The following PIWIL2 variants were observed in gnomAD, a reference collection of about 807,000 sequenced individuals.
The protein encoded by PIWIL2 is piwi like RNA-mediated gene silencing 2, also known as piwi-like protein 2.
PIWIL2 carries 81 observed loss-of-function variants against 116.5 expected under a neutral mutation model. The ratio of observed to expected loss-of-function variants is 0.70; its 90% CI spans 0.58 to 0.84. The LOEUF (loss-of-function observed/expected upper bound fraction) is 0.84, where lower values mean the gene tolerates loss of function less well. PIWIL2 is among the 40% of genes least tolerant of loss of function. PIWIL2 has a pLI of 0.00. For synonymous variants in PIWIL2, 489 were observed against 429.5 expected, an observed-to-expected ratio of 1.14 and a Z score of -1.71; for missense variants, 1,272 against 1,212.3, an observed-to-expected ratio of 1.05 and a Z score of -0.73.
At chr8:22,278,715 T>C (rs936397950) in intron 1 of PIWIL2, among the ~76,000 whole-genome samples, 2 of 152,138 alleles carry the variant, frequency 1.3e-5, no homozygotes, top group African/African-American at 4.8e-5. Context: ...GATTGGCAAA[T>C]GAGCAAAGCT....
At chr8:22,293,291 CAAGT>C (rs1251002352) in intron 10 of PIWIL2, among the ~76,000 whole-genome samples, 15 of 151,900 alleles carry the variant, frequency 9.9e-5, no homozygotes, top group Non-Finnish European at 1.6e-4. Context: ...CCTAGGCAAG[CAAGT>C]GAGACCCTGT....
chr8:22,312,699 G>A (rs1408069802), intron 16 of PIWIL2, among the ~76,000 whole-genome samples: 1 of 152,066 alleles, frequency 6.6e-6, no homozygotes, highest in East Asian at 1.9e-4. Context: ...AAAGTACAGT[G>A]GCATGATCAT....
rs1832495239 is a variant in PIWIL2 at position 22,356,606 on chromosome 8, A to G, written c.*1101A>G. 1 of 152,158 alleles carries G rather than the reference A, an allele frequency of 6.6e-6. No individual in the cohort carries two copies. Among genetic ancestry groups the G allele is most frequent in the Non-Finnish European group, 1.5e-5 (1 of 68,022 alleles). The allele number at this position is 152,158 out of a possible 1,614,324, so 9.4% of individuals were successfully genotyped here. On this transcript the variant is annotated 3_prime_UTR_variant, in exon 23 of 23. Coordinates refer to ENST00000356766, the MANE Select transcript of PIWIL2 (RefSeq NM_018068.5). ...CAAGTTGGGGTGGGAGTTTTTAGTG[A>G]ACTTTTCTCCCAGGTGTGTGGCCTT...
intron 8 of PIWIL2, among the ~76,000 whole-genome samples, chr8:22,289,418 T>G (rs1205440774): frequency 6.6e-6 from 1 of 152,214 alleles, no homozygotes; most frequent in Non-Finnish European, 1.5e-5. Context: ...CCCAAAGTGC[T>G]GGGATTAGAG....
At position 22,294,995 on chromosome 8, in the gene PIWIL2, C is replaced by T. The variant is rs377009184; in HGVS notation, c.1181+4649C>T. On this transcript the variant is annotated intron_variant, in intron 10 of 22. Transcript: ENST00000356766. Reference sequence around the variant, plus strand: ...TCCAGAGGCTGAGGCAGGAGAATGGCTTGAACCTGGGAGGTGGAGGTTGCA... The same window carrying T: ...TCCAGAGGCTGAGGCAGGAGAATGGTTTGAACCTGGGAGGTGGAGGTTGCA... 5.2e-4 allele frequency among the ~76,000 whole-genome samples: 78 copies of T among 149,800 alleles called. No homozygotes were observed. In the South Asian group the frequency reaches 0.016, roughly 30 times the overall value.
At chr8:22,342,117 A>G (rs917024795) in intron 20 of PIWIL2, among the ~76,000 whole-genome samples, 27 of 151,770 alleles carry the variant, frequency 1.8e-4, no homozygotes, top group African/African-American at 6.5e-4. Context: ...ATTACATACA[A>G]GATGTACACA....
chr8:22,350,432 C>CA (rs1187564930), intron 20 of PIWIL2, among the ~76,000 whole-genome samples: 1 of 151,718 alleles, frequency 6.6e-6, no homozygotes, highest in Non-Finnish European at 1.5e-5. Flanking sequence ...TCCATCTCTA[C>CA]AAAAAATACA....
chr8:22,325,437 T>C (rs555158063), intron 20 of PIWIL2, among the ~76,000 whole-genome samples: 2 of 151,002 alleles, frequency 1.3e-5, no homozygotes, highest in African/African-American at 2.4e-5. Context: ...TTTGAAGAAA[T>C]GGGACTCCAT....
chr8:22,287,765 C>T, intron 7 of PIWIL2, 120 bp downstream of exon 7: 2 of 699,584 alleles, frequency 2.9e-6, no homozygotes, highest in Non-Finnish European at 5.2e-6. Flanking sequence ...TCTCGAATTC[C>T]CAAAGCCCTG....
At chr8:22,285,380 A>G (rs987545749) in intron 6 of PIWIL2, among the ~76,000 whole-genome samples, 1 of 152,170 alleles carries the variant, frequency 6.6e-6, no homozygotes, top group Non-Finnish European at 1.5e-5. Context: ...AGATCCTTTC[A>G]TACTGTCACA....
intron 8 of PIWIL2, among the ~76,000 whole-genome samples, chr8:22,289,564 A>G (rs966549915): frequency 6.6e-6 from 1 of 152,252 alleles, no homozygotes; most frequent in Non-Finnish European, 1.5e-5. Context: ...CTTCGTAGTT[A>G]GTGGTGAAAA....
chr8:22,310,149 T>C, intron 15 of PIWIL2, 75 bp downstream of exon 15: 1 of 770,748 alleles, frequency 1.3e-6, no homozygotes, highest in Non-Finnish European at 2.2e-6. Flanking sequence ...AGGAATGATC[T>C]AGAGTCTTCT....
At chr8:22,308,194 T>G in intron 14 of PIWIL2, 121 bp downstream of exon 14, 1 of 798,006 alleles carries the variant, frequency 1.3e-6, no homozygotes, top group Non-Finnish European at 1.8e-6. Flanking sequence ...AATATTTTTC[T>G]AAGTTTTTTT....
At chr8:22,309,326 A>T (rs914471293) in intron 14 of PIWIL2, among the ~76,000 whole-genome samples, 1 of 151,822 alleles carries the variant, frequency 6.6e-6, no homozygotes, top group Non-Finnish European at 1.5e-5. Flanking sequence ...TTTAATACTT[A>T]TATTTTATTT....
intron 7 of PIWIL2, 75 bp from the exon 8 acceptor site, chr8:22,288,467 T>A (rs559231027): frequency 1.1e-5 from 13 of 1,212,420 alleles, no homozygotes; most frequent in Admixed American, 4.3e-5. Flanking sequence ...AAGAACACAG[T>A]TGAATTAGAT....
At chr8:22,312,758 A>C (rs1831364324) in intron 16 of PIWIL2, among the ~76,000 whole-genome samples, 3 of 152,100 alleles carry the variant, frequency 2.0e-5, no homozygotes, top group Non-Finnish European at 4.4e-5. Context: ...CTCCTGCCTC[A>C]GCCTTCTGAG....
intron 20 of PIWIL2, among the ~76,000 whole-genome samples, chr8:22,333,975 T>G (rs561146245): frequency 5.4e-5 from 8 of 148,476 alleles, no homozygotes; most frequent in African/African-American, 9.8e-5. Flanking sequence ...TTTTTTGTGT[T>G]TTTTTTTTTT....
chr8:22,290,133 T>C, intron 9 of PIWIL2, 100 bp from the exon 10 acceptor site: 1 of 749,634 alleles, frequency 1.3e-6, no homozygotes, highest in South Asian at 1.8e-5. Context: ...TCATTACTAT[T>C]AGGGAAGGGC....
chr8:22,335,917 C>A (rs184328390), intron 20 of PIWIL2, among the ~76,000 whole-genome samples: 2 of 152,120 alleles, frequency 1.3e-5, no homozygotes, highest in South Asian at 2.1e-4. Context: ...TGACATATTA[C>A]AATAGCAAAA....
Sources: allele counts gnomAD v4.1 joint callset (sites outside exome capture counted in the v4.1 genomes callset), GRCh38; gene constraint gnomAD v4.1.1; transcripts MANE v1.5; gene names NCBI Gene and HGNC (gene_info 2026-07-23, HGNC 2026-07-21).